RBFOX1: variants seen among roughly 807,000 people sequenced by gnomAD.
The protein encoded by RBFOX1 is RNA binding protein fox-1 homolog 1.
A neutral mutation model predicts 57.7 loss-of-function variants in RBFOX1; 8 were observed. That is an observed-to-expected ratio of 0.14 (90% CI 0.08 to 0.25). RBFOX1 has a LOEUF of 0.25. Among genes scored for constraint, RBFOX1 ranks in the 10% least tolerant of loss-of-function variants. The probability of loss-of-function intolerance (pLI) is 1.00; values close to 1 mark genes in which losing one functional copy is unlikely to be tolerated. For missense variants in RBFOX1, 611 were observed against 548.5 expected, an observed-to-expected ratio of 1.11 and a Z score of -1.14; for synonymous variants, 326 against 222.4, an observed-to-expected ratio of 1.47 and a Z score of -4.15.
At chr16:7,471,020 A>T (rs575093448) in intron 4 of RBFOX1, among the ~76,000 whole-genome samples, 2 of 152,288 alleles carry the variant, frequency 1.3e-5, no homozygotes, top group East Asian at 1.9e-4. Flanking sequence ...ACTTTTAAGT[A>T]TAAAAATAGT....
intron 1 of RBFOX1, among the ~76,000 whole-genome samples, chr16:6,054,127 G>T (rs1473729284): frequency 6.6e-6 from 1 of 152,154 alleles, no homozygotes; most frequent in East Asian, 1.9e-4. Flanking sequence ...TGAGGAAACT[G>T]TCAGTTTGAA....
rs887344430 is a variant in RBFOX1, at chr16:7,403,221, G to A, written c.28-114926G>A. Among the ~76,000 whole-genome samples, 4 of 152,168 alleles carry A rather than the reference G, an allele frequency of 2.6e-5. No individual in the cohort carries two copies. In the South Asian group the frequency reaches 8.3e-4, roughly 32 times the overall value. ...CAGTGAAGGTATCTATCAGCTCAGA[G>A]TTCCGTTTTTTGGTGAGATCACTTA... On this transcript the variant is annotated intron_variant, in intron 4 of 15. Transcript: ENST00000550418.
intron 3 of RBFOX1, among the ~76,000 whole-genome samples, chr16:6,818,780 C>T (rs115728563): frequency 0.012 from 1,811 of 152,256 alleles, 31 homozygotes; most frequent in African/African-American, 0.041. Flanking sequence ...CGAGGCCTGG[C>T]CACTGATGCC....
At chr16:5,322,147 G>T (rs2064428607) in intron 1 of RBFOX1, among the ~76,000 whole-genome samples, 1 of 152,122 alleles carries the variant, frequency 6.6e-6, no homozygotes, top group African/African-American at 2.4e-5. Flanking sequence ...TATTTTCCAG[G>T]TCTTGCTTGG....
chr16:6,727,644 C>T (rs7498659), intron 3 of RBFOX1, among the ~76,000 whole-genome samples: 134,026 of 151,992 alleles, frequency 0.88, 61,375 homozygotes, highest in Non-Finnish European at 1. Context: ...GTCTTCTACC[C>T]CCTCCTTCCT....
At chr16:7,271,406 T>C (rs1422148670) in intron 4 of RBFOX1, among the ~76,000 whole-genome samples, 4 of 152,156 alleles carry the variant, frequency 2.6e-5, no homozygotes, top group Admixed American at 1.3e-4. Context: ...TTTCTACATC[T>C]AAAAATGATC....
At chr16:5,865,464 T>A (rs1199024782) in intron 3 of RBFOX1, among the ~76,000 whole-genome samples, 1 of 152,144 alleles carries the variant, frequency 6.6e-6, no homozygotes, top group Non-Finnish European at 1.5e-5. Context: ...CTCATGGACT[T>A]TCTTGGCTGA....
intron 3 of RBFOX1, among the ~76,000 whole-genome samples, chr16:6,808,178 G>GTGTGTGTGTGTGTGTA (rs1318609964): frequency 1.0e-4 from 15 of 145,574 alleles, no homozygotes; most frequent in African/African-American, 3.9e-4. Context: ...GTGTGTGTGT[G>GTGTGTGTGTGTGTGTA]TATATATATA....
intron 4 of RBFOX1, among the ~76,000 whole-genome samples, chr16:6,000,216 G>GT (rs1567239721): frequency 6.6e-6 from 1 of 152,104 alleles, no homozygotes; most frequent in African/African-American, 2.4e-5. Flanking sequence ...AAGATCCCAT[G>GT]CCCCCCTGGT....
At chr16:5,530,513 A>G (rs1265203765) in intron 2 of RBFOX1, among the ~76,000 whole-genome samples, 1 of 152,198 alleles carries the variant, frequency 6.6e-6, no homozygotes, top group African/African-American at 2.4e-5. Context: ...AACTGTAAAC[A>G]TTGGTGTTCA....
chr16:7,146,496 A>C (rs2075006382), intron 4 of RBFOX1, among the ~76,000 whole-genome samples: 2 of 152,192 alleles, frequency 1.3e-5, no homozygotes, highest in South Asian at 4.1e-4. Context: ...GCTTTCTGAT[A>C]CTAGAGAGAG....
intron 3 of RBFOX1, among the ~76,000 whole-genome samples, chr16:5,719,357 A>G (rs968942891): frequency 6.8e-5 from 10 of 147,832 alleles, no homozygotes; most frequent in African/African-American, 2.0e-4. Flanking sequence ...ACCTGCCACC[A>G]TGCCCGGCTA....
At chr16:7,692,200 T>A (rs1157671801) in intron 14 of RBFOX1, among the ~76,000 whole-genome samples, 1 of 152,182 alleles carries the variant, frequency 6.6e-6, no homozygotes, top group Non-Finnish European at 1.5e-5. Flanking sequence ...TGACTTGTTA[T>A]GTAGGAGAAA....
intron 3 of RBFOX1, among the ~76,000 whole-genome samples, chr16:6,922,330 T>G (rs1270032190): frequency 6.6e-6 from 1 of 152,108 alleles, no homozygotes; most frequent in Non-Finnish European, 1.5e-5. Flanking sequence ...TGTCCGGTGG[T>G]AATGGCAAGT....
chr16:7,035,995 C>G (rs1199390010), intron 3 of RBFOX1, among the ~76,000 whole-genome samples: 1 of 152,096 alleles, frequency 6.6e-6, no homozygotes, highest in Non-Finnish European at 1.5e-5. Flanking sequence ...GTTTCTCAAG[C>G]TACAGAATCC....
intron 2 of RBFOX1, among the ~76,000 whole-genome samples, chr16:6,435,182 G>A (rs1282481020): frequency 6.6e-5 from 10 of 152,008 alleles, no homozygotes; most frequent in Admixed American, 6.5e-4. Flanking sequence ...TACCACTGAA[G>A]GATCACCTTT....
At chr16:6,561,798 A>G (rs1383439145) in intron 2 of RBFOX1, among the ~76,000 whole-genome samples, 4 of 152,222 alleles carry the variant, frequency 2.6e-5, no homozygotes, top group African/African-American at 7.2e-5. Context: ...ATTTCTGAAC[A>G]TGTGTAGGGG....
chr16:6,984,738 T>C (rs2089842590), intron 3 of RBFOX1, among the ~76,000 whole-genome samples: 1 of 152,084 alleles, frequency 6.6e-6, no homozygotes, highest in African/African-American at 2.4e-5. Flanking sequence ...CCTCCCAGGT[T>C]CATGAAATTC....
intron 1 of RBFOX1, among the ~76,000 whole-genome samples, chr16:5,353,451 G>A (rs1416097563): frequency 2.0e-5 from 3 of 151,926 alleles, no homozygotes; most frequent in Admixed American, 6.5e-5. Flanking sequence ...TGTGTGTGGT[G>A]TGTTAGGACA....
Sources: gnomAD v4.1 joint callset for allele counts (sites outside exome capture counted in the v4.1 genomes callset) on GRCh38, gnomAD v4.1.1 for gene constraint, MANE v1.5 for transcripts, NCBI Gene and HGNC (gene_info 2026-07-23, HGNC 2026-07-21) for gene names.